Variants in PTPRO observed in about 807,000 individuals in gnomAD.
PTPRO encodes the protein protein tyrosine phosphatase receptor type O.
Under a neutral mutation model 145.2 loss-of-function variants are expected in PTPRO, and 62 were observed. The ratio of observed to expected loss-of-function variants is 0.43; its 90% CI spans 0.35 to 0.53. PTPRO has a LOEUF of 0.53. Ranked by LOEUF, PTPRO falls within the 20% of genes least tolerant of loss-of-function variation. PTPRO has a pLI of 0.01. For synonymous variants in PTPRO, 565 were observed against 514.7 expected, an observed-to-expected ratio of 1.10 and a Z score of -1.32; for missense variants, 1,345 against 1,482.7, an observed-to-expected ratio of 0.91 and a Z score of 1.53.
chr12:15,453,854 T>C (rs1208065702), intron 1 of PTPRO, among the ~76,000 whole-genome samples: 1 of 152,222 alleles, frequency 6.6e-6, no homozygotes, highest in Non-Finnish European at 1.5e-5. Context: ...GACTGGCTTA[T>C]TTCACTTAGC....
chr12:15,409,555 T>C (rs1416142673), intron 1 of PTPRO, among the ~76,000 whole-genome samples: 1 of 152,194 alleles, frequency 6.6e-6, no homozygotes, highest in Non-Finnish European at 1.5e-5. Context: ...TATAAAGAAA[T>C]GCCTGATACT....
intron 12 of PTPRO, among the ~76,000 whole-genome samples, chr12:15,537,500 TGAACAAATCTG>T: frequency 6.6e-6 from 1 of 152,072 alleles, no homozygotes; most frequent in Non-Finnish European, 1.5e-5. Context: ...GTCAAACCTG[TGAACAAATCTG>T]GTAAGATGAG....
At position 15,448,339 on chromosome 12, in the gene PTPRO, T is replaced by TAAA. The variant is rs56136736; in HGVS notation, c.76-35616_76-35614dup. ...CTCTATTCTATCTTCCTGTTCCTAGTAAAAAAAAAAAAAAAAAAAAAGCAC... is the reference window on the plus strand; with the variant it reads ...CTCTATTCTATCTTCCTGTTCCTAGTAAAAAAAAAAAAAAAAAAAAAAAAGCAC... On this transcript the variant is annotated intron_variant, in intron 1 of 26. Transcript: ENST00000281171. Among the ~76,000 whole-genome samples the TAAA allele has an allele frequency of 7.6e-4, 34 of 45,026 alleles. 3 individuals are homozygous for TAAA. Among genetic ancestry groups the TAAA allele is most frequent in the East Asian group, 6.1e-3 (7 of 1,146 alleles). 29.5% of individuals were successfully genotyped at this position (45,026 alleles called of 152,430 possible).
chr12:15,486,354 C>T (rs1300398853), intron 2 of PTPRO, among the ~76,000 whole-genome samples: 2 of 152,068 alleles, frequency 1.3e-5, no homozygotes, highest in African/African-American at 2.4e-5. Flanking sequence ...ATTAAAATAG[C>T]CATAGTTTTC....
intron 7 of PTPRO, among the ~76,000 whole-genome samples, chr12:15,511,451 C>T (rs971628532): frequency 6.6e-6 from 1 of 152,136 alleles, no homozygotes; most frequent in African/African-American, 2.4e-5. Context: ...AATCCAATTA[C>T]CCCTTTGTCA....
At chr12:15,539,787 A>G (rs958661709) in intron 12 of PTPRO, among the ~76,000 whole-genome samples, 2 of 149,640 alleles carry the variant, frequency 1.3e-5, no homozygotes, top group African/African-American at 4.9e-5. Flanking sequence ...AAAAAAAAAA[A>G]AAAAAAAAGA....
intron 12 of PTPRO, among the ~76,000 whole-genome samples, chr12:15,533,148 G>C (rs1942996021): frequency 6.6e-6 from 1 of 152,098 alleles, no homozygotes; most frequent in African/African-American, 2.4e-5. Flanking sequence ...AAAATGTTTG[G>C]AGTCTCCATG....
chr12:15,531,373 G>GA, intron 12 of PTPRO, among the ~76,000 whole-genome samples: 1 of 152,094 alleles, frequency 6.6e-6, no homozygotes, highest in Non-Finnish European at 1.5e-5. Context: ...AATATGCCAA[G>GA]AAAAATAATA....
At chr12:15,492,914 G>A (rs758639815) in intron 2 of PTPRO, among the ~76,000 whole-genome samples, 3 of 151,986 alleles carry the variant, frequency 2.0e-5, no homozygotes, top group Non-Finnish European at 2.9e-5. Context: ...ATGATTATGA[G>A]AATTTCCAAG....
chr12:15,359,422 CTTTTTTTTTT>C (rs771782428), intron 1 of PTPRO, among the ~76,000 whole-genome samples: 2 of 112,518 alleles, frequency 1.8e-5, no homozygotes, highest in African/African-American at 6.7e-5. Context: ...TTTCTCTTTC[CTTTTTTTTTT>C]TTTTTTTTTT....
rs35302259 is a variant in PTPRO, at chr12:15,420,148, GAAAAA to G, written c.76-63807_76-63803del. ...GGCGAAAGAGCGAGACTCCGACTCA[GAAAAA>G]AAAAAAAAAAAAAAAAAAGAGTGTC... On this transcript the variant is annotated intron_variant, in intron 1 of 26. Coordinates refer to ENST00000281171, the MANE Select transcript of PTPRO (RefSeq NM_030667.3). Among the ~76,000 whole-genome samples, 4 of 81,706 alleles carry G rather than the reference GAAAAA, an allele frequency of 4.9e-5. No homozygotes were observed. The East Asian group carries it at 8.9e-4, about 18-fold the overall frequency. The allele number at this position is 81,706 out of a possible 152,430, so 53.6% of individuals were successfully genotyped here.
intron 12 of PTPRO, among the ~76,000 whole-genome samples, chr12:15,539,372 A>G (rs1285481307): frequency 1.3e-5 from 2 of 152,184 alleles, no homozygotes; most frequent in African/African-American, 2.4e-5. Flanking sequence ...GAAAAACTCT[A>G]TTGATCTTTA....
chr12:15,480,839 A>G (rs1941764511), intron 1 of PTPRO, among the ~76,000 whole-genome samples: 1 of 152,218 alleles, frequency 6.6e-6, no homozygotes, highest in African/African-American at 2.4e-5. Flanking sequence ...AGACATAAAA[A>G]TAACTCATTC....
chr12:15,513,161 G>A (rs868685400), intron 7 of PTPRO, among the ~76,000 whole-genome samples: 3 of 15,596 alleles, frequency 1.9e-4, no homozygotes, highest in African/African-American at 6.4e-4. Context: ...GAAAGAAAAA[G>A]AAAGAAAGAA....
At chr12:15,540,081 T>G (rs1220886320) in intron 12 of PTPRO, among the ~76,000 whole-genome samples, 1 of 152,164 alleles carries the variant, frequency 6.6e-6, no homozygotes, top group Admixed American at 6.5e-5. Flanking sequence ...TTAATTTCAT[T>G]GCATATCAAT....
At chr12:15,378,483 G>A (rs957421640) in intron 1 of PTPRO, among the ~76,000 whole-genome samples, 4 of 151,888 alleles carry the variant, frequency 2.6e-5, no homozygotes, top group Admixed American at 1.3e-4. Context: ...ACAAAATACC[G>A]AAGGTAACTA....
chr12:15,565,544 A>G, intron 17 of PTPRO, 49 bp from the exon 18 acceptor site: 1 of 1,229,474 alleles, frequency 8.1e-7, no homozygotes. Context: ...TATTATGTTA[A>G]TCAATTCTTC....
At chr12:15,516,611 GAGGA>G (rs1219439083) in intron 8 of PTPRO, 148 bp from the exon 9 acceptor site, 82 of 648,430 alleles carry the variant, frequency 1.3e-4, no homozygotes, top group African/African-American at 9.4e-4. Context: ...GCAAGAAAGG[GAGGA>G]AGGAAGGAAG....
intron 19 of PTPRO, among the ~76,000 whole-genome samples, chr12:15,572,109 GT>G (rs1212509502): frequency 1.3e-5 from 2 of 152,068 alleles, no homozygotes; most frequent in Non-Finnish European, 2.9e-5. Flanking sequence ...TAAAAAATAT[GT>G]TTTTTTCTTA....
Sources: gnomAD v4.1 joint callset for allele counts (sites outside exome capture counted in the v4.1 genomes callset) on GRCh38, gnomAD v4.1.1 for gene constraint, MANE v1.5 for transcripts, NCBI Gene and HGNC (gene_info 2026-07-23, HGNC 2026-07-21) for gene names.